The following TWSG1 variants were observed in gnomAD, a reference collection of about 807,000 sequenced individuals.
TWSG1 encodes the protein twisted gastrulation BMP signaling modulator 1, also known as twisted gastrulation protein homolog 1.
Under a neutral mutation model 23.0 loss-of-function variants are expected in TWSG1, and 15 were observed. The observed-to-expected ratio is 0.65, with a 90% CI of 0.44 to 1.00. TWSG1 has a LOEUF of 1.00. Among genes scored for constraint, TWSG1 ranks in the 50% least tolerant of loss-of-function variants. The probability of loss-of-function intolerance (pLI) is 0.00; values close to 1 mark genes in which losing one functional copy is unlikely to be tolerated. For missense variants in TWSG1, 242 were observed against 278.7 expected (o/e 0.87, Z 0.94); for synonymous variants, 86 against 92.8 (o/e 0.93, Z 0.42).
At chr18:9,346,844 C>A (rs1354248207) in intron 2 of TWSG1, among the ~76,000 whole-genome samples, 1 of 152,306 alleles carries the variant, frequency 6.6e-6, no homozygotes, top group Non-Finnish European at 1.5e-5. Context: ...TGGCTAAATA[C>A]TAAGGAGTGT....
chr18:9,389,397 G>C (rs1053061370), intron 3 of TWSG1, among the ~76,000 whole-genome samples: 1 of 152,136 alleles, frequency 6.6e-6, no homozygotes, highest in Non-Finnish European at 1.5e-5. Flanking sequence ...ATAGTTATTA[G>C]AAAGAGTAGT....
At chr18:9,355,844 C>T (rs1182407612) in intron 2 of TWSG1, among the ~76,000 whole-genome samples, 1 of 152,174 alleles carries the variant, frequency 6.6e-6, no homozygotes, top group Admixed American at 6.5e-5. Flanking sequence ...ATTTGCCCAT[C>T]TCCTAAAAAG....
Position 9,400,596 on chromosome 18 carries a change from T to A in TWSG1, c.*1069T>A, listed in dbSNP as rs1036755940. The stretch of plus-strand genomic sequence containing the variant: ...AATTATTATGGGAAACAAAACTATC[T>A]ATGTTCATATTTTGTAATATTTCAT... On this transcript the variant is annotated 3_prime_UTR_variant, in exon 5 of 5. Coordinates refer to ENST00000262120, the MANE Select transcript of TWSG1 (RefSeq NM_020648.6). 6.6e-6 allele frequency: 1 copy of A among 152,224 alleles called. No individual in the cohort carries two copies. Among genetic ancestry groups the A allele is most frequent in the African/African-American group, 2.4e-5 (1 of 41,454 alleles). The allele number at this position is 152,224 out of a possible 1,614,324, so 9.4% of individuals were successfully genotyped here.
intron 2 of TWSG1, among the ~76,000 whole-genome samples, chr18:9,337,653 T>C (rs923728316): frequency 6.6e-6 from 1 of 152,204 alleles, no homozygotes; most frequent in Non-Finnish European, 1.5e-5. Flanking sequence ...CTAATTAACA[T>C]AGCAAAGAGG....
chr18:9,337,127 C>T (rs1228299968), intron 1 of TWSG1, 66 bp from the exon 2 acceptor site: 1 of 1,370,276 alleles, frequency 7.3e-7, no homozygotes, highest in Non-Finnish European at 1.0e-6. Context: ...TGTTTTGTTT[C>T]TCATTTTTAT....
At chr18:9,345,040 T>A (rs2040470598) in intron 2 of TWSG1, among the ~76,000 whole-genome samples, 1 of 152,208 alleles carries the variant, frequency 6.6e-6, no homozygotes, top group South Asian at 2.1e-4. Context: ...ATTACAGGTG[T>A]GAGCCACCAT....
At chr18:9,372,533 A>T (rs1459935362) in intron 3 of TWSG1, among the ~76,000 whole-genome samples, 13 of 147,970 alleles carry the variant, frequency 8.8e-5, no homozygotes. Flanking sequence ...ATATATATTT[A>T]TATATATTAT....
At chr18:9,383,651 A>G (rs1025318064) in intron 3 of TWSG1, among the ~76,000 whole-genome samples, 1 of 152,240 alleles carries the variant, frequency 6.6e-6, no homozygotes, top group African/African-American at 2.4e-5. Flanking sequence ...GGTGGCACTC[A>G]GATTCTGAAA....
intron 3 of TWSG1, among the ~76,000 whole-genome samples, chr18:9,383,678 CTG>C (rs1377841738): frequency 1.3e-5 from 2 of 152,112 alleles, no homozygotes; most frequent in African/African-American, 4.8e-5. Context: ...TGGAGGGAAA[CTG>C]TCAGAGTTTG....
rs185142645 is a variant in TWSG1 at position 9,358,562 on chromosome 18, G to A, written c.124-1410G>A. ...TGCAGGTGCCATGAAAAATTAGAAC[G>A]GCTTTGTTGAAGAGAAATTATATTT... On this transcript the variant is annotated intron_variant, in intron 2 of 4. Coordinates refer to ENST00000262120, the MANE Select transcript of TWSG1 (RefSeq NM_020648.6). Among the ~76,000 whole-genome samples, 217 of 152,218 alleles carry A rather than the reference G, an allele frequency of 1.4e-3. 1 individual carries two copies. Among genetic ancestry groups the A allele is most frequent in the African/African-American group, 5.1e-3 (210 of 41,532 alleles).
chr18:9,383,207 T>G (rs1470157226), intron 3 of TWSG1, among the ~76,000 whole-genome samples: 1 of 149,422 alleles, frequency 6.7e-6, no homozygotes, highest in Non-Finnish European at 1.5e-5. Flanking sequence ...TTTTTTTTTT[T>G]TTTTTGAGAT....
At chr18:9,391,505 C>A (rs558046866) in intron 3 of TWSG1, among the ~76,000 whole-genome samples, 1 of 152,306 alleles carries the variant, frequency 6.6e-6, no homozygotes, top group Non-Finnish European at 1.5e-5. Context: ...GCAGCTATAA[C>A]CTTACAAGAT....
chr18:9,359,758 G>A (rs1423123195), intron 2 of TWSG1, among the ~76,000 whole-genome samples: 2 of 152,038 alleles, frequency 1.3e-5, no homozygotes, highest in East Asian at 1.9e-4. Context: ...TAAGGTAAAA[G>A]CATTCAAAGT....
At chr18:9,379,568 C>G (rs1169949883) in intron 3 of TWSG1, among the ~76,000 whole-genome samples, 1 of 152,144 alleles carries the variant, frequency 6.6e-6, no homozygotes, top group Non-Finnish European at 1.5e-5. Flanking sequence ...GGGTACTATG[C>G]TTGGTATTCA....
chr18:9,371,220 G>A (rs765364243), intron 3 of TWSG1, among the ~76,000 whole-genome samples: 1 of 151,550 alleles, frequency 6.6e-6, no homozygotes, highest in Non-Finnish European at 1.5e-5. Context: ...TTTGTTTTTA[G>A]TATTTATATA....
chr18:9,396,585 C>G, intron 4 of TWSG1, 39 bp downstream of exon 4: 1 of 1,594,768 alleles, frequency 6.3e-7, no homozygotes, highest in Non-Finnish European at 8.5e-7. Flanking sequence ...TCCGCCCCCT[C>G]ATGTGGTCTG....
chr18:9,340,913 C>T (rs1004109472), intron 2 of TWSG1, among the ~76,000 whole-genome samples: 1 of 152,206 alleles, frequency 6.6e-6, no homozygotes, highest in Non-Finnish European at 1.5e-5. Flanking sequence ...CTAGTGGCCA[C>T]GTATTGGACA....
chr18:9,354,121 C>G (rs2040514313), intron 2 of TWSG1, among the ~76,000 whole-genome samples: 1 of 152,102 alleles, frequency 6.6e-6, no homozygotes. Flanking sequence ...TTATATTTCT[C>G]ATTTTAATGT....
chr18:9,364,427 TC>T (rs2040567802), intron 3 of TWSG1, among the ~76,000 whole-genome samples: 1 of 152,146 alleles, frequency 6.6e-6, no homozygotes, highest in Non-Finnish European at 1.5e-5. Flanking sequence ...GTGATAAAGG[TC>T]CCCATCAGCC....
Sources: allele counts gnomAD v4.1 joint callset (sites outside exome capture counted in the v4.1 genomes callset), GRCh38; gene constraint gnomAD v4.1.1; transcripts MANE v1.5; gene names NCBI Gene and HGNC (gene_info 2026-07-23, HGNC 2026-07-21).